ATXN1: variants seen among roughly 807,000 people sequenced by gnomAD.
ATXN1 encodes the protein ataxin 1, also known as ataxin-1.
In ATXN1, 8 loss-of-function variants were observed where a neutral mutation model predicts 56.4. That is an observed-to-expected ratio of 0.14 (90% confidence interval 0.08 to 0.26). The LOEUF (loss-of-function observed/expected upper bound fraction) is 0.26, where lower values mean the gene tolerates loss of function less well. ATXN1 is among the 10% of genes least tolerant of loss of function. The pLI is 1.00. For missense variants in ATXN1, 987 were observed against 1,106.5 expected, an observed-to-expected ratio of 0.89 and a Z score of 1.53; for synonymous variants, 514 against 494.6, an observed-to-expected ratio of 1.04 and a Z score of -0.52.
At position 16,305,530 on chromosome 6, in the gene ATXN1, G is replaced by C. The variant is rs1258049520; in HGVS notation, c.*799C>G. On this transcript the variant is annotated 3_prime_UTR_variant, in exon 8 of 8. Coordinates refer to ENST00000436367, the MANE Select transcript of ATXN1 (RefSeq NM_001128164.2). ...CCCAACCCCCCTTACCCCATGTGGG[G>C]CCATGACAGCAGGGGCTTCCCTGTC... 6.6e-6 allele frequency: 1 copy of C among 152,548 alleles called. No homozygotes were observed. Among genetic ancestry groups the C allele is most frequent in the Non-Finnish European group, 1.5e-5 (1 of 68,054 alleles). The allele number at this position is 152,548 out of a possible 1,614,324, so 9.4% of individuals were successfully genotyped here.
At chr6:16,646,079 A>T (rs940385287) in intron 3 of ATXN1, among the ~76,000 whole-genome samples, 6 of 152,176 alleles carry the variant, frequency 3.9e-5, no homozygotes, top group African/African-American at 1.4e-4. Context: ...AAAATGAGCC[A>T]GGTGTGGTGG....
At chr6:16,672,797 A>C (rs1175582137) in intron 2 of ATXN1, among the ~76,000 whole-genome samples, 1 of 152,142 alleles carries the variant, frequency 6.6e-6, no homozygotes, top group Non-Finnish European at 1.5e-5. Context: ...AGGCGGGTGG[A>C]TCGCCTGAGG....
chr6:16,463,500 C>T (rs969636786), intron 6 of ATXN1, among the ~76,000 whole-genome samples: 1 of 152,202 alleles, frequency 6.6e-6, no homozygotes, highest in Non-Finnish European at 1.5e-5. Flanking sequence ...CAAAGGATTT[C>T]TCAAGACAGT....
At chr6:16,520,980 C>A (rs1761276115) in intron 5 of ATXN1, among the ~76,000 whole-genome samples, 1 of 152,188 alleles carries the variant, frequency 6.6e-6, no homozygotes, top group Non-Finnish European at 1.5e-5. Context: ...ATTAAGCTGA[C>A]AAGTTGGATA....
intron 6 of ATXN1, among the ~76,000 whole-genome samples, chr6:16,445,516 T>TAACA (rs1759615258): frequency 6.6e-6 from 1 of 152,090 alleles, no homozygotes; most frequent in South Asian, 2.1e-4. Flanking sequence ...TTTCTTTTTT[T>TAACA]TTTAAGTTTT....
intron 6 of ATXN1, among the ~76,000 whole-genome samples, chr6:16,451,475 G>T (rs1042461937): frequency 1.3e-5 from 2 of 150,684 alleles, no homozygotes; most frequent in East Asian, 2.0e-4. Context: ...AAAAAAAAAG[G>T]CCAGGTGCAG....
Position 16,392,250 on chromosome 6 carries a change from T to C in ATXN1, c.-160-63780A>G, listed in dbSNP as rs527995288. Among the ~76,000 whole-genome samples the C allele has an allele frequency of 1.6e-4, 25 of 152,300 alleles. 1 individual carries two copies. The highest frequency in any genetic ancestry group is 6.8e-3 in the Middle Eastern group (2 of 294). On this transcript the variant is annotated intron_variant, in intron 6 of 7. Transcript: ENST00000436367. ...CAATGTCATCAGCAGAGACATGGCATTGGGGAGGGCTGCCAAGCACAAAGA... is the reference window on the plus strand; with the variant it reads ...CAATGTCATCAGCAGAGACATGGCACTGGGGAGGGCTGCCAAGCACAAAGA...
intron 6 of ATXN1, among the ~76,000 whole-genome samples, chr6:16,438,134 C>T (rs1394460487): frequency 2.0e-5 from 3 of 152,188 alleles, no homozygotes; most frequent in African/African-American, 7.2e-5. Flanking sequence ...GAATCTAATG[C>T]TGCCACTGAT....
intron 3 of ATXN1, among the ~76,000 whole-genome samples, chr6:16,650,957 ACT>A (rs1464551445): frequency 9.2e-5 from 14 of 152,188 alleles, no homozygotes; most frequent in Non-Finnish European, 2.1e-4. Flanking sequence ...GCTGAATTAA[ACT>A]CTGTTAAATT....
At chr6:16,629,254 T>C (rs1182860890) in intron 3 of ATXN1, among the ~76,000 whole-genome samples, 5 of 152,220 alleles carry the variant, frequency 3.3e-5, no homozygotes, top group Admixed American at 6.5e-5. Context: ...CATATTCTTA[T>C]TGGCCATATG....
chr6:16,385,813 G>A (rs968078090), intron 6 of ATXN1, among the ~76,000 whole-genome samples: 1 of 152,196 alleles, frequency 6.6e-6, no homozygotes, highest in African/African-American at 2.4e-5. Context: ...TGTGAAAGAA[G>A]AGAAATAGCT....
intron 6 of ATXN1, among the ~76,000 whole-genome samples, chr6:16,436,754 A>T (rs145268800): frequency 2.0e-5 from 3 of 152,158 alleles, no homozygotes; most frequent in African/African-American, 4.8e-5. Context: ...TTGAGCCACA[A>T]TAAAGTCTGA....
intron 6 of ATXN1, among the ~76,000 whole-genome samples, chr6:16,427,673 G>A (rs1759186238): frequency 6.6e-6 from 1 of 152,180 alleles, no homozygotes. Flanking sequence ...CAGCGTTTCA[G>A]GTGTTGAGCT....
At chr6:16,314,762 CA>C (rs1760472458) in intron 7 of ATXN1, among the ~76,000 whole-genome samples, 1 of 151,942 alleles carries the variant, frequency 6.6e-6, no homozygotes, top group Admixed American at 6.6e-5. Flanking sequence ...AGGCATAAGC[CA>C]CCACACCTGG....
At chr6:16,562,789 G>A (rs1581846392) in intron 4 of ATXN1, among the ~76,000 whole-genome samples, 2 of 152,130 alleles carry the variant, frequency 1.3e-5, no homozygotes, top group Non-Finnish European at 2.9e-5. Context: ...AGAAAGAATA[G>A]AGAAATGGAA....
At chr6:16,312,440 G>T (rs1295254832) in intron 7 of ATXN1, among the ~76,000 whole-genome samples, 1 of 151,542 alleles carries the variant, frequency 6.6e-6, no homozygotes, top group African/African-American at 2.4e-5. Context: ...CTGCACGTAG[G>T]CTAGGATAAT....
chr6:16,499,632 C>T (rs1221280393), intron 5 of ATXN1, among the ~76,000 whole-genome samples: 1 of 152,236 alleles, frequency 6.6e-6, no homozygotes, highest in Non-Finnish European at 1.5e-5. Context: ...CCACAGACCT[C>T]TGTTCTCTTT....
At chr6:16,477,134 T>A (rs756115356) in intron 6 of ATXN1, among the ~76,000 whole-genome samples, 3 of 152,192 alleles carry the variant, frequency 2.0e-5, no homozygotes, top group Non-Finnish European at 4.4e-5. Flanking sequence ...AGACCCACCT[T>A]GAGTCTCTTT....
chr6:16,589,232 A>C, intron 3 of ATXN1, among the ~76,000 whole-genome samples: 1 of 152,008 alleles, frequency 6.6e-6, no homozygotes, highest in South Asian at 2.1e-4. Context: ...CAATTATCAT[A>C]TTTTCCTGTA....
Sources: allele counts gnomAD v4.1 joint callset (sites outside exome capture counted in the v4.1 genomes callset), GRCh38; gene constraint gnomAD v4.1.1; transcripts MANE v1.5; gene names NCBI Gene and HGNC (gene_info 2026-07-23, HGNC 2026-07-21).